NR4A3: variants seen among roughly 807,000 people sequenced by gnomAD.
NR4A3 encodes nuclear receptor subfamily 4 group A member 3.
In NR4A3, 13 loss-of-function variants were observed where a neutral mutation model predicts 55.6. That is an observed-to-expected ratio of 0.23 (90% confidence interval 0.15 to 0.37). NR4A3 has a LOEUF of 0.37. NR4A3 is among the 10% of genes least tolerant of loss of function. NR4A3 has a pLI of 1.00. For missense variants in NR4A3, 646 were observed against 822.8 expected (o/e 0.79, Z 2.63); for synonymous variants, 342 against 357.9 (o/e 0.96, Z 0.50).
At chr9:99,860,707 T>TAATAG (rs1827996361) in intron 7 of NR4A3, among the ~76,000 whole-genome samples, 1 of 152,226 alleles carries the variant, frequency 6.6e-6, no homozygotes, top group Non-Finnish European at 1.5e-5. Flanking sequence ...GCTGATTAGC[T>TAATAG]AATAGTTTCT....
intron 7 of NR4A3, among the ~76,000 whole-genome samples, chr9:99,858,695 T>TA (rs1229234330): frequency 1.3e-5 from 2 of 152,206 alleles, no homozygotes; most frequent in African/African-American, 4.8e-5. Flanking sequence ...TCTCTGGACT[T>TA]AGAGTAAAAG....
In NR4A3 at chr9:99,833,463, T is replaced by C. The variant is rs534862001; in HGVS notation, c.1254+9T>C. 6.2e-6 allele frequency: 10 copies of C among 1,614,164 alleles called. No homozygotes were observed. Among genetic ancestry groups the C allele is most frequent in the African/African-American group, 2.7e-5 (2 of 75,056 alleles). ...ATCTTGATTATTCCAGAGTAAGTTT[T>C]ATGATTTCCTGCTTTCAAATGAATG... On this transcript the variant is annotated intron_variant, in intron 5 of 7. Transcript: ENST00000395097.
At chr9:99,827,258 A>ATGTGTG (rs35554489) in intron 2 of NR4A3, among the ~76,000 whole-genome samples, 120 of 145,108 alleles carry the variant, frequency 8.3e-4, no homozygotes, top group African/African-American at 2.6e-3. Flanking sequence ...GGATATATAT[A>ATGTGTG]TGTGTGTGTG....
In NR4A3 at chr9:99,828,936, C is replaced by T; in HGVS notation, c.894C>T (p.Asn298=). 1 of 1,439,570 alleles carries T rather than the reference C, an allele frequency of 6.9e-7. No homozygotes were observed. Among genetic ancestry groups the T allele is most frequent in the Non-Finnish European group, 9.1e-7 (1 of 1,095,486 alleles). 89.2% of individuals were successfully genotyped at this position (1,439,570 alleles called of 1,614,324 possible). A position where few individuals can be genotyped will look rare whatever the true frequency, so the allele number is the denominator to read the frequency against. The change falls in exon 3 of 8, where the codon AAC becomes AAT. Residue 298 remains asparagine (N), a synonymous_variant. Transcript: ENST00000395097. This position sits in a 1 kb window ranked among gnomAD's most constrained non-coding sequence, Gnocchi z 7.7. ...GEGTCAVCGD[N]AACQHYGVRT... is the part of the protein sequence containing the mutation. ...GCACGTGTGCCGTGTGCGGGGACAA[C>T]GCCGCCTGCCAGCACTACGGCGTGC...
Position 99,865,121 on chromosome 9 carries a change from A to G in NR4A3, c.*1254A>G, listed in dbSNP as rs929409030. 1.0e-5 allele frequency: 2 copies of G among 194,524 alleles called. No individual in the cohort carries two copies. Among genetic ancestry groups the G allele is most frequent in the Non-Finnish European group, 2.1e-5 (2 of 93,152 alleles). The allele number at this position is 194,524 out of a possible 1,614,324, so 12.0% of individuals were successfully genotyped here. A position where few individuals can be genotyped will look rare whatever the true frequency, so the allele number is the denominator to read the frequency against. ...ATGTTTCTACTGTTAATGCCATATT[A>G]CTATGAGATAATTTGTTGCATAGTG... On this transcript the variant is annotated 3_prime_UTR_variant, in exon 8 of 8. Coordinates refer to ENST00000395097, the MANE Select transcript of NR4A3 (RefSeq NM_006981.4). The surrounding 1 kb of genome is among the most constrained non-coding windows in gnomAD (Gnocchi z 4.3).
chr9:99,834,110 T>C (rs1306054028), intron 5 of NR4A3: 3 of 923,692 alleles, frequency 3.2e-6, no homozygotes, highest in Non-Finnish European at 3.9e-6. Context: ...GAAAATGTTT[T>C]TAAGACCATA....
In NR4A3 at chr9:99,839,458, G is replaced by T. The variant is rs561013775; in HGVS notation, c.1255-5191G>T. ...AAAGCCTCACATCACTAATTTTTGAGGGGTGGTGTTTTCCATGGGTCTCAC... is the reference window on the plus strand; with the variant it reads ...AAAGCCTCACATCACTAATTTTTGATGGGTGGTGTTTTCCATGGGTCTCAC... On this transcript the variant is annotated intron_variant, in intron 5 of 7. Coordinates refer to ENST00000395097, the MANE Select transcript of NR4A3 (RefSeq NM_006981.4). Among the ~76,000 whole-genome samples the T allele has an allele frequency of 6.0e-4, 92 of 152,296 alleles. 1 individual carries two copies. The highest frequency in any genetic ancestry group is 2.0e-3 in the African/African-American group (84 of 41,560).
intron 7 of NR4A3, among the ~76,000 whole-genome samples, chr9:99,848,846 G>A (rs769907245): frequency 2.0e-5 from 3 of 152,192 alleles, no homozygotes; most frequent in Non-Finnish European, 4.4e-5. Context: ...TTGCCCCGGG[G>A]GAGAGTTTCC....
chr9:99,835,692 T>C (rs561416986), intron 5 of NR4A3, among the ~76,000 whole-genome samples: 1 of 152,336 alleles, frequency 6.6e-6, no homozygotes, highest in South Asian at 2.1e-4. Context: ...ATGGCCTAAT[T>C]AGTCATTCAA....
chr9:99,840,080 C>A (rs1277860610), intron 5 of NR4A3, among the ~76,000 whole-genome samples: 1 of 152,250 alleles, frequency 6.6e-6, no homozygotes, highest in Non-Finnish European at 1.5e-5. Flanking sequence ...TGGATGCTGA[C>A]CCTCCAGTCA....
chr9:99,834,318 A>G (rs1287927927), intron 5 of NR4A3, among the ~76,000 whole-genome samples: 6 of 152,210 alleles, frequency 3.9e-5, no homozygotes, highest in African/African-American at 7.2e-5. Flanking sequence ...TAAAGGACTT[A>G]GAAAACTAAA....
At chr9:99,841,826 T>TA in intron 5 of NR4A3, among the ~76,000 whole-genome samples, 1 of 152,212 alleles carries the variant, frequency 6.6e-6, no homozygotes, top group Middle Eastern at 3.4e-3. Context: ...AAAAATTAGA[T>TA]GGGCGTGGTG....
intron 1 of NR4A3, among the ~76,000 whole-genome samples, chr9:99,824,514 G>A (rs1052578752): frequency 6.6e-6 from 1 of 152,222 alleles, no homozygotes; most frequent in Admixed American, 6.5e-5. Context: ...AGCTGGGGCT[G>A]GGGGTGGCAA....
At position 99,828,870 on chromosome 9, in the gene NR4A3, C is replaced by A. The variant is rs1827379260; in HGVS notation, c.828C>A (p.Ser276Arg). Residue 276 changes from serine (S) to arginine (R), a missense_variant, in exon 3 of 8, where the codon AGC becomes AGA. Ser to Arg is a moderately radical substitution (Grantham distance 110, BLOSUM62 -1). This residue lies in a region of NR4A3 where 426 missense variants were observed against 429.4 expected (regional missense o/e 0.99). Transcript: ENST00000395097. The surrounding 1 kb of genome is among the most constrained non-coding windows in gnomAD (Gnocchi z 7.7). The stretch of plus-strand genomic sequence containing the variant: ...CCAGCCTGCTGGGCGAGAGTCCCAG[C>A]CTGCCGTCGCCGCCCAGCAGGAGCT... ...TASSLLGESP[S>R]LPSPPSRSSS... 1.3e-6 allele frequency: 2 copies of A among 1,499,306 alleles called. No individual in the cohort carries two copies. The highest frequency in any genetic ancestry group is 1.8e-4 in the Middle Eastern group (1 of 5,474). 92.9% of individuals were successfully genotyped at this position (1,499,306 alleles called of 1,614,324 possible). A position where few individuals can be genotyped will look rare whatever the true frequency, so the allele number is the denominator to read the frequency against.
chr9:99,853,321 C>CTTTTTTTTT (rs71370971), intron 7 of NR4A3, among the ~76,000 whole-genome samples: 2 of 123,398 alleles, frequency 1.6e-5, no homozygotes, highest in Non-Finnish European at 3.3e-5. Context: ...TAGGGAATTT[C>CTTTTTTTTT]TTTTTTTTTT....
intron 5 of NR4A3, among the ~76,000 whole-genome samples, chr9:99,842,108 ATTTT>A (rs10626492): frequency 7.3e-6 from 1 of 136,134 alleles, no homozygotes; most frequent in African/African-American, 2.7e-5. Context: ...GGACTCTCTG[ATTTT>A]TTTTTTTTTT....
At chr9:99,826,863 C>T in intron 2 of NR4A3, 3 of 1,487,010 alleles carry the variant, frequency 2.0e-6, no homozygotes, top group South Asian at 2.3e-5. Context: ...ACACCTTTTA[C>T]ACCATAGACT....
Position 99,828,075 on chromosome 9 carries a change from C to G in NR4A3, c.33C>G (p.Ser11=), listed in dbSNP as rs1174879665. Residue 11 remains serine (S), a synonymous_variant, in exon 3 of 8, where the codon TCC becomes TCG. Transcript: ENST00000395097. This position sits in a 1 kb window ranked among gnomAD's most constrained non-coding sequence, Gnocchi z 7.7. Reference sequence around the variant, plus strand: ...GCGTCCAAGCCCAATATAGCCCTTCCCCTCCAGGTTCCAGTTATGCGGCGC... The same window carrying G: ...GCGTCCAAGCCCAATATAGCCCTTCGCCTCCAGGTTCCAGTTATGCGGCGC... The part of the protein sequence containing the change: MPCVQAQYSP[S]PPGSSYAAQT... The G allele has an allele frequency of 1.2e-6, 2 of 1,614,038 alleles. No homozygotes were observed. Among genetic ancestry groups the G allele is most frequent in the East Asian group, 2.2e-5 (1 of 44,880 alleles).
intron 1 of NR4A3, among the ~76,000 whole-genome samples, chr9:99,824,300 G>A (rs1380606340): frequency 6.6e-6 from 1 of 152,170 alleles, no homozygotes; most frequent in East Asian, 1.9e-4. Context: ...GAGTTCTGAG[G>A]CCTCCTCTCA....
Sources: gnomAD v4.1 joint callset for allele counts (sites outside exome capture counted in the v4.1 genomes callset) on GRCh38, gnomAD v4.1.1 for gene constraint, gnomAD v4.1.1 regional missense constraint, Gnocchi (gnomAD v3.1) non-coding constraint, MANE v1.5 for transcripts, NCBI Gene and HGNC (gene_info 2026-07-23, HGNC 2026-07-21) for gene names.